Variants in WNT7A observed in about 807,000 individuals in gnomAD.
The protein encoded by WNT7A is protein Wnt-7a.
Under a neutral mutation model 28.2 loss-of-function variants are expected in WNT7A, and 16 were observed. The observed-to-expected ratio is 0.57, with a 90% CI of 0.38 to 0.86. The LOEUF (loss-of-function observed/expected upper bound fraction) is 0.86, where lower values mean the gene tolerates loss of function less well. Ranked by LOEUF, WNT7A falls within the 40% of genes least tolerant of loss-of-function variation. The probability of loss-of-function intolerance (pLI) is 0.00; values close to 1 mark genes in which losing one functional copy is unlikely to be tolerated. For missense variants in WNT7A, 411 were observed against 489.7 expected, an observed-to-expected ratio of 0.84 and a Z score of 1.52; for synonymous variants, 190 against 195.9, an observed-to-expected ratio of 0.97 and a Z score of 0.25.
At chr3:13,877,371 C>G (rs755823095) in intron 1 of WNT7A, among the ~76,000 whole-genome samples, 1 of 152,170 alleles carries the variant, frequency 6.6e-6, no homozygotes, top group African/African-American at 2.4e-5. Flanking sequence ...GCGCTAAACC[C>G]GAGTCTAACA....
intron 2 of WNT7A, among the ~76,000 whole-genome samples, chr3:13,861,564 G>A (rs1455064042): frequency 6.6e-6 from 1 of 152,208 alleles, no homozygotes; most frequent in Non-Finnish European, 1.5e-5. Flanking sequence ...GATATCTGGG[G>A]TGGTGCCTTG....
chr3:13,869,999 C>T (rs535143899), intron 2 of WNT7A, among the ~76,000 whole-genome samples: 5 of 152,248 alleles, frequency 3.3e-5, no homozygotes, highest in African/African-American at 1.2e-4. Flanking sequence ...GAATCCCACT[C>T]ACTGATAAAT....
chr3:13,874,819 C>T, intron 2 of WNT7A, 128 bp downstream of exon 2: 1 of 965,950 alleles, frequency 1.0e-6, no homozygotes, highest in Non-Finnish European at 1.6e-6. Context: ...AGTCAATGCA[C>T]CTGCAGGACC....
chr3:13,856,853 A>AGAG, intron 2 of WNT7A, among the ~76,000 whole-genome samples: 1 of 148,936 alleles, frequency 6.7e-6, no homozygotes, highest in Non-Finnish European at 1.5e-5. Context: ...AAGAAGAGGA[A>AGAG]GAAGAGGAAG....
intron 2 of WNT7A, among the ~76,000 whole-genome samples, chr3:13,869,074 G>A (rs959802289): frequency 7.3e-5 from 11 of 150,274 alleles, no homozygotes; most frequent in African/African-American, 2.7e-4. Flanking sequence ...AAGCAAGTGA[G>A]AGAGAGAAAG....
At chr3:13,865,351 T>C (rs1162574292) in intron 2 of WNT7A, among the ~76,000 whole-genome samples, 1 of 152,122 alleles carries the variant, frequency 6.6e-6, no homozygotes, top group African/African-American at 2.4e-5. Flanking sequence ...AGGTGGAGCC[T>C]GGGAACGGGC....
intron 2 of WNT7A, among the ~76,000 whole-genome samples, chr3:13,873,339 T>A (rs1695054432): frequency 6.6e-6 from 1 of 151,910 alleles, no homozygotes; most frequent in Admixed American, 6.5e-5. Flanking sequence ...TGGTGACATT[T>A]GTCACCAGGT....
In WNT7A at chr3:13,860,297, G is replaced by A. The variant is rs114753879; in HGVS notation, c.299-5494C>T. On this transcript the variant is annotated intron_variant, in intron 2 of 3. Coordinates refer to ENST00000285018, the MANE Select transcript of WNT7A (RefSeq NM_004625.4). ...GAATTCAAGGCCCAAGTTGGTCTGT[G>A]TCCTTCCTCAGCCCCACCCCAGCTC... is the stretch of plus-strand genomic sequence containing the variant. Among the ~76,000 whole-genome samples the A allele has an allele frequency of 6.0e-3, 921 of 152,248 alleles. 8 individuals are homozygous for A. The highest frequency in any genetic ancestry group is 0.021 in the African/African-American group (876 of 41,542).
chr3:13,844,045 C>T (rs1694502186), intron 3 of WNT7A, among the ~76,000 whole-genome samples: 1 of 152,104 alleles, frequency 6.6e-6, no homozygotes, highest in Non-Finnish European at 1.5e-5. Context: ...CCGTGCCTGG[C>T]CTTGTTGGAA....
rs1289425970 is a variant in WNT7A at position 13,819,267 on chromosome 3, C to T, written c.727G>A (p.Ala243Thr). The T allele has an allele frequency of 6.2e-7, 1 of 1,614,226 alleles. No homozygotes were observed. The change falls in exon 4 of 4, where the codon GCC becomes ACC. Residue 243 changes from alanine to threonine, a missense_variant. Physicochemically the swap from Ala to Thr is moderately conservative, Grantham distance 58. Transcript: ENST00000285018. ...NEAVHVEPVRASRNKRPTFLK... is the reference protein window; with the variant it reads ...NEAVHVEPVRTSRNKRPTFLK... ...AAGGTGGGCCGCTTGTTGCGGCTGG[C>T]ACGCACAGGCTCCACGTGAACGGCC... is the stretch of plus-strand genomic sequence containing the variant.
chr3:13,856,040 A>G (rs1694724081), intron 2 of WNT7A, among the ~76,000 whole-genome samples: 1 of 152,070 alleles, frequency 6.6e-6, no homozygotes, highest in South Asian at 2.1e-4. Context: ...GGGGAGACAG[A>G]CACAAACAAC....
intron 3 of WNT7A, among the ~76,000 whole-genome samples, chr3:13,822,607 G>A (rs748322721): frequency 1.3e-5 from 2 of 152,190 alleles, no homozygotes; most frequent in Non-Finnish European, 2.9e-5. Context: ...TCTTTCTGAG[G>A]TGATGAAAAT....
intron 2 of WNT7A, among the ~76,000 whole-genome samples, chr3:13,859,260 C>T (rs1394104661): frequency 3.3e-5 from 5 of 152,306 alleles, no homozygotes; most frequent in East Asian, 1.9e-4. Flanking sequence ...TCACTCCCAC[C>T]GTCTCCAACC....
chr3:13,856,953 GAAGAAGAAGAAGA>G (rs1694751003), intron 2 of WNT7A, among the ~76,000 whole-genome samples: 1 of 124,202 alleles, frequency 8.1e-6, no homozygotes, highest in Non-Finnish European at 1.6e-5. Flanking sequence ...AGAAGAAGAA[GAAGAAGAAGAAGA>G]AGGAGAAGAA....
intron 3 of WNT7A, among the ~76,000 whole-genome samples, chr3:13,843,110 C>T (rs1013738481): frequency 3.3e-5 from 5 of 152,144 alleles, no homozygotes; most frequent in African/African-American, 1.2e-4. Flanking sequence ...CGACCTGGAC[C>T]GCTCCTTCTC....
chr3:13,826,060 C>A (rs1257378146), intron 3 of WNT7A, among the ~76,000 whole-genome samples: 2 of 152,198 alleles, frequency 1.3e-5, no homozygotes, highest in African/African-American at 4.8e-5. Context: ...CATGTCTGTC[C>A]ACGTAGGCTT....
intron 3 of WNT7A, among the ~76,000 whole-genome samples, chr3:13,839,881 A>T (rs1694429115): frequency 6.6e-6 from 1 of 152,230 alleles, no homozygotes; most frequent in East Asian, 1.9e-4. Context: ...ACAGCCTCCC[A>T]ACTGCCAAGC....
chr3:13,830,359 G>T (rs1694261712), intron 3 of WNT7A, among the ~76,000 whole-genome samples: 1 of 152,144 alleles, frequency 6.6e-6, no homozygotes, highest in African/African-American at 2.4e-5. Context: ...GAGACTTGAG[G>T]CAGGAGATGG....
At chr3:13,841,627 T>C (rs1395552992) in intron 3 of WNT7A, among the ~76,000 whole-genome samples, 2 of 152,232 alleles carry the variant, frequency 1.3e-5, no homozygotes, top group African/African-American at 4.8e-5. Flanking sequence ...AATATTCATG[T>C]GCTGCTGGCC....
Sources: allele counts gnomAD v4.1 joint callset (sites outside exome capture counted in the v4.1 genomes callset), GRCh38; gene constraint gnomAD v4.1.1; transcripts MANE v1.5; gene names NCBI Gene and HGNC (gene_info 2026-07-23, HGNC 2026-07-21).